The following CEP63 variants were observed in gnomAD, a reference collection of about 807,000 sequenced individuals.
CEP63 encodes the protein centrosomal protein of 63 kDa.
In CEP63, 84 loss-of-function variants were observed where a neutral mutation model predicts 89.1. The ratio of observed to expected loss-of-function variants is 0.94; its 90% CI spans 0.79 to 1.13. The LOEUF is 1.13. CEP63 is among the 50% of genes most tolerant of loss of function. The pLI is 0.00. For synonymous variants in CEP63, 267 were observed against 272.5 expected, an observed-to-expected ratio of 0.98 and a Z score of 0.20; for missense variants, 838 against 813.3, an observed-to-expected ratio of 1.03 and a Z score of -0.37.
the CEP63 span, among the ~76,000 whole-genome samples, chr3:134,697,995 A>G: frequency 6.6e-6 from 1 of 152,204 alleles, no homozygotes; most frequent in Non-Finnish European, 1.5e-5. Context: ...GATGCACAGC[A>G]TGAACATACA....
the CEP63 span, among the ~76,000 whole-genome samples, chr3:134,598,626 G>T: frequency 6.6e-6 from 1 of 152,172 alleles, no homozygotes; most frequent in Non-Finnish European, 1.5e-5. Flanking sequence ...CAGGTCGTGG[G>T]AAAGGAGAGA....
the CEP63 span, chr3:134,603,064 A>G: frequency 6.6e-6 from 1 of 152,552 alleles, no homozygotes; most frequent in Non-Finnish European, 1.5e-5. Flanking sequence ...CTGGGAGGAG[A>G]AGATAGTCCA....
the CEP63 span, among the ~76,000 whole-genome samples, chr3:134,702,518 G>C: frequency 6.6e-6 from 1 of 152,016 alleles, no homozygotes; most frequent in African/African-American, 2.4e-5. Context: ...ACTGGTACAA[G>C]AGCAGACACA....
At chr3:134,670,872 A>G in the CEP63 span, among the ~76,000 whole-genome samples, 2 of 152,238 alleles carry the variant, frequency 1.3e-5, no homozygotes, top group African/African-American at 4.8e-5. Flanking sequence ...AAACGTGTGG[A>G]TGAACATCTA....
the CEP63 span, among the ~76,000 whole-genome samples, chr3:134,601,619 T>C: frequency 1.3e-5 from 2 of 152,230 alleles, no homozygotes; most frequent in Non-Finnish European, 2.9e-5. Context: ...TTGTGCATTT[T>C]TCAGGTGTGA....
the CEP63 span, among the ~76,000 whole-genome samples, chr3:134,596,291 A>T: frequency 2.6e-3 from 389 of 152,320 alleles, 2 homozygotes; most frequent in African/African-American, 8.9e-3. Flanking sequence ...CAGGGTGGCC[A>T]TCCTTCTCTA....
chr3:134,522,010 A>G (rs1330345950), intron 3 of CEP63, among the ~76,000 whole-genome samples: 3 of 152,200 alleles, frequency 2.0e-5, no homozygotes, highest in Non-Finnish European at 4.4e-5. Context: ...TTTGCAAATC[A>G]AACATGCACT....
the CEP63 span, among the ~76,000 whole-genome samples, chr3:134,740,914 A>G: frequency 6.6e-6 from 1 of 152,016 alleles, no homozygotes; most frequent in Non-Finnish European, 1.5e-5. Flanking sequence ...ATCTTCCATC[A>G]CATTTTGCTC....
chr3:134,758,168 A>G, the CEP63 span, among the ~76,000 whole-genome samples: 65 of 152,308 alleles, frequency 4.3e-4, no homozygotes, highest in African/African-American at 1.5e-3. Flanking sequence ...GCAAACTCCA[A>G]GTGTAAACTC....
At chr3:134,489,883 C>T (rs1039557645) in intron 1 of CEP63, among the ~76,000 whole-genome samples, 3 of 152,170 alleles carry the variant, frequency 2.0e-5, no homozygotes, top group Non-Finnish European at 4.4e-5. Flanking sequence ...ACTGTTTCAA[C>T]ATATGGCAGT....
chr3:134,574,524 T>C (rs1958144990), intron 11 of CEP63, among the ~76,000 whole-genome samples: 2 of 152,226 alleles, frequency 1.3e-5, no homozygotes, highest in African/African-American at 4.8e-5. Flanking sequence ...AGAAATATAA[T>C]TCTTCAAATT....
intron 3 of CEP63, among the ~76,000 whole-genome samples, chr3:134,521,990 G>A (rs1947561582): frequency 6.6e-6 from 1 of 152,022 alleles, no homozygotes; most frequent in Admixed American, 6.6e-5. Flanking sequence ...GAGCTGTTCT[G>A]GCATTTTGGT....
chr3:134,572,198 C>T (rs1958036505), intron 11 of CEP63, among the ~76,000 whole-genome samples: 1 of 152,132 alleles, frequency 6.6e-6, no homozygotes, highest in African/African-American at 2.4e-5. Context: ...TTACAGGAGG[C>T]AGTATTTGTG....
the CEP63 span, among the ~76,000 whole-genome samples, chr3:134,644,553 C>A: frequency 6.6e-6 from 1 of 152,208 alleles, no homozygotes; most frequent in Admixed American, 6.5e-5. Flanking sequence ...TCTGGCCTGC[C>A]ATCTTCTCTC....
At chr3:134,614,772 A>G in the CEP63 span, among the ~76,000 whole-genome samples, 6 of 152,178 alleles carry the variant, frequency 3.9e-5, no homozygotes, top group African/African-American at 1.4e-4. Context: ...TAGGAACTGT[A>G]TGATGCTCCT....
chr3:134,747,399 T>A, the CEP63 span, among the ~76,000 whole-genome samples: 3 of 152,320 alleles, frequency 2.0e-5, no homozygotes, highest in African/African-American at 4.8e-5. Context: ...CACTGCCAAG[T>A]GGCAGGCACT....
At chr3:134,604,007 GCTT>G in the CEP63 span, 1 of 1,613,942 alleles carries the variant, frequency 6.2e-7, no homozygotes, top group East Asian at 2.2e-5. Flanking sequence ...AGCTCGGTCT[GCTT>G]CTCCCGGTGC....
the CEP63 span, chr3:134,608,811 G>C: frequency 3.1e-6 from 5 of 1,612,782 alleles, no homozygotes; most frequent in African/African-American, 1.3e-5. Flanking sequence ...AACAGTGCAG[G>C]GTGGGTGAGG....
chr3:134,493,284 G>A (rs560965845), intron 1 of CEP63, among the ~76,000 whole-genome samples: 105 of 151,800 alleles, frequency 6.9e-4, no homozygotes, highest in African/African-American at 2.4e-3. Context: ...CCCTCATTTT[G>A]CAGATGTTAA....
Sources: allele counts gnomAD v4.1 joint callset (sites outside exome capture counted in the v4.1 genomes callset), GRCh38; gene constraint gnomAD v4.1.1; transcripts MANE v1.5; gene names NCBI Gene and HGNC (gene_info 2026-07-23, HGNC 2026-07-21).